The following ANKMY2 variants were observed in gnomAD, a reference collection of about 807,000 sequenced individuals.
ANKMY2 encodes ankyrin repeat and MYND domain containing 2.
A neutral mutation model predicts 50.4 loss-of-function variants in ANKMY2; 36 were observed. That is an observed-to-expected ratio of 0.71 (90% CI 0.55 to 0.94). The LOEUF is 0.94. Ranked by LOEUF, ANKMY2 falls within the 40% of genes least tolerant of loss-of-function variation. The probability of loss-of-function intolerance (pLI) is 0.00; values close to 1 mark genes in which losing one functional copy is unlikely to be tolerated. For missense variants in ANKMY2, 565 were observed against 524.0 expected (o/e 1.08, Z -0.76); for synonymous variants, 187 against 178.8 (o/e 1.05, Z -0.36).
At chr7:16,637,263 T>C (rs1284218344) in intron 1 of ANKMY2, among the ~76,000 whole-genome samples, 1 of 152,198 alleles carries the variant, frequency 6.6e-6, no homozygotes, top group Non-Finnish European at 1.5e-5. Flanking sequence ...TAAAAGAACA[T>C]AAAAGAATAG....
At chr7:16,605,774 C>T (rs915547083) in intron 7 of ANKMY2, among the ~76,000 whole-genome samples, 2 of 149,086 alleles carry the variant, frequency 1.3e-5, no homozygotes, top group African/African-American at 5.0e-5. Context: ...GCTTTGCTTC[C>T]TGGCTTCATG....
chr7:16,643,819 G>C, intron 1 of ANKMY2, among the ~76,000 whole-genome samples: 1 of 148,480 alleles, frequency 6.7e-6, no homozygotes, highest in East Asian at 2.0e-4. Context: ...AGGAGTTCGA[G>C]AGCAGCCTGG....
intron 7 of ANKMY2, among the ~76,000 whole-genome samples, chr7:16,609,408 C>T (rs569557595): frequency 3.3e-5 from 5 of 152,284 alleles, no homozygotes; most frequent in Admixed American, 6.5e-5. Flanking sequence ...ATAGCGACGT[C>T]CTGTTTATGA....
At chr7:16,641,964 T>C (rs139900858) in intron 1 of ANKMY2, among the ~76,000 whole-genome samples, 331 of 152,304 alleles carry the variant, frequency 2.2e-3, no homozygotes, top group African/African-American at 7.2e-3. Context: ...ATGTTCATTA[T>C]GTTGATCTTA....
At chr7:16,626,169 C>T (rs116764511) in intron 3 of ANKMY2, among the ~76,000 whole-genome samples, 2,239 of 151,852 alleles carry the variant, frequency 0.015, 60 homozygotes, top group African/African-American at 0.052. Flanking sequence ...TTGGTAGAGA[C>T]GGGGTCTCAT....
chr7:16,619,459 A>G lies in ANKMY2; in HGVS notation c.371-3555T>C, dbSNP rs10244458. Among the ~76,000 whole-genome samples, 110 of 152,242 alleles carry G rather than the reference A, an allele frequency of 7.2e-4. 2 individuals are homozygous for G. The highest frequency in any genetic ancestry group is 2.4e-3 in the African/African-American group (101 of 41,554). On this transcript the variant is annotated intron_variant, in intron 4 of 9. Transcript: ENST00000306999. ...GTGAGCTACTGTGCCCGGCCTAATT[A>G]TACCTTTTTAAAAAGAAAAAATAGT...
At position 16,617,857 on chromosome 7, in the gene ANKMY2, C is replaced by T. The variant is rs1460390907; in HGVS notation, c.371-1953G>A. 3.3e-5 allele frequency among the ~76,000 whole-genome samples: 5 copies of T among 149,368 alleles called. 1 individual carries two copies. In the South Asian group the frequency reaches 6.3e-4, roughly 19 times the overall value. On this transcript the variant is annotated intron_variant, in intron 4 of 9. Coordinates refer to ENST00000306999, the MANE Select transcript of ANKMY2 (RefSeq NM_020319.3). The stretch of plus-strand genomic sequence containing the variant: ...TGGTATGTGCCTGTAGTCCCAGCTA[C>T]TTGGGATACTAAGGCAGGAGGATTG...
intron 2 of ANKMY2, among the ~76,000 whole-genome samples, chr7:16,632,792 G>A (rs772056368): frequency 9.9e-5 from 15 of 152,122 alleles, no homozygotes; most frequent in Non-Finnish European, 1.9e-4. Context: ...TGGGTCATAT[G>A]GTAACTCCAT....
chr7:16,631,752 C>T (rs1257810475), intron 2 of ANKMY2, among the ~76,000 whole-genome samples: 1 of 151,758 alleles, frequency 6.6e-6, no homozygotes, highest in Non-Finnish European at 1.5e-5. Flanking sequence ...GTAGCTAGAA[C>T]TACAGGCGCC....
chr7:16,630,549 C>T (rs1781568402), intron 2 of ANKMY2, among the ~76,000 whole-genome samples: 1 of 152,144 alleles, frequency 6.6e-6, no homozygotes, highest in South Asian at 2.1e-4. Context: ...CATTGGAATT[C>T]TATGTCATTA....
intron 1 of ANKMY2, among the ~76,000 whole-genome samples, chr7:16,644,331 T>C (rs959080281): frequency 3.3e-5 from 5 of 152,308 alleles, no homozygotes; most frequent in Middle Eastern, 3.4e-3. Flanking sequence ...TTGATAGATA[T>C]AGCTGTGACT....
rs569254268 is a variant in ANKMY2 at position 16,610,711 on chromosome 7, T to C, written c.584A>G (p.Asn195Ser). The change falls in exon 6 of 10, where the codon AAT becomes AGT. Residue 195 changes from asparagine to serine, a missense_variant. Transcript: ENST00000306999. ...NPLLTEEAAL[N>S]KCYRVMDLIC... ...CAAATCCATCACTCTGTAGCATTTATTCAGGGCTGCTTCTTCTGTCAGCAG... is the reference window on the plus strand; with the variant it reads ...CAAATCCATCACTCTGTAGCATTTACTCAGGGCTGCTTCTTCTGTCAGCAG... 14 of 1,613,984 alleles carry C rather than the reference T, an allele frequency of 8.7e-6. No homozygotes were observed. The highest frequency in any genetic ancestry group is 1.7e-5 in the Admixed American group (1 of 60,026).
intron 2 of ANKMY2, among the ~76,000 whole-genome samples, chr7:16,630,200 T>G (rs867427059): frequency 2.6e-5 from 4 of 152,204 alleles, no homozygotes; most frequent in African/African-American, 9.6e-5. Flanking sequence ...TGTTATCATA[T>G]TGTAATTCAT....
chr7:16,632,332 C>G (rs1208040177), intron 2 of ANKMY2, among the ~76,000 whole-genome samples: 1 of 152,094 alleles, frequency 6.6e-6, no homozygotes, highest in Non-Finnish European at 1.5e-5. Context: ...GCAGCCATCA[C>G]CACAATCAAT....
intron 1 of ANKMY2, among the ~76,000 whole-genome samples, chr7:16,644,459 C>G (rs1426655930): frequency 6.6e-6 from 1 of 152,184 alleles, no homozygotes; most frequent in Non-Finnish European, 1.5e-5. Flanking sequence ...AAGAATAAAT[C>G]TGCCTTATTC....
chr7:16,624,140 G>C (rs556182995), intron 4 of ANKMY2, among the ~76,000 whole-genome samples: 28 of 152,230 alleles, frequency 1.8e-4, no homozygotes, highest in African/African-American at 5.1e-4. Flanking sequence ...AGCCTGTCTT[G>C]TCACTATAAC....
intron 4 of ANKMY2, among the ~76,000 whole-genome samples, chr7:16,619,456 AT>A (rs1781403434): frequency 6.6e-6 from 1 of 152,160 alleles, no homozygotes; most frequent in Admixed American, 6.5e-5. Context: ...GCCCGGCCTA[AT>A]TATACCTTTT....
At position 16,600,721 on chromosome 7, in the gene ANKMY2, G is replaced by C; in HGVS notation, c.*40C>G. ...ATTCCTAGGAGTTTTCCAGCTTCTT[G>C]CAGGGTGAGGATCATCCACACTGGC... is the stretch of plus-strand genomic sequence containing the variant. On this transcript the variant is annotated 3_prime_UTR_variant, in exon 10 of 10. Transcript: ENST00000306999. The C allele has an allele frequency of 5.3e-6, 8 of 1,515,328 alleles. No individual in the cohort carries two copies. The highest frequency in any genetic ancestry group is 7.1e-6 in the Non-Finnish European group (8 of 1,129,396). The allele number at this position is 1,515,328 out of a possible 1,614,324, so 93.9% of individuals were successfully genotyped here. A position where few individuals can be genotyped will look rare whatever the true frequency, so the allele number is the denominator to read the frequency against.
At chr7:16,633,948 G>T (rs1232085636) in intron 2 of ANKMY2, among the ~76,000 whole-genome samples, 1 of 151,964 alleles carries the variant, frequency 6.6e-6, no homozygotes, top group Non-Finnish European at 1.5e-5. Flanking sequence ...TGTTCTTGGT[G>T]TATTATTAAT....
Sources: allele counts gnomAD v4.1 joint callset (sites outside exome capture counted in the v4.1 genomes callset), GRCh38; gene constraint gnomAD v4.1.1; transcripts MANE v1.5; gene names NCBI Gene and HGNC (gene_info 2026-07-23, HGNC 2026-07-21).